Variants in MROH1 observed in about 807,000 individuals in gnomAD.
MROH1 encodes the protein maestro heat-like repeat-containing protein family member 1.
In MROH1, 117 loss-of-function variants were observed where a neutral mutation model predicts 116.5. The ratio of observed to expected loss-of-function variants is 1.00; its 90% CI spans 0.86 to 1.17. The LOEUF is 1.17. MROH1 is among the 50% of genes most tolerant of loss of function. MROH1 has a pLI of 0.00. For synonymous variants in MROH1, 921 were observed against 583.9 expected (o/e 1.58, Z -8.32); for missense variants, 1,873 against 1,338.5 (o/e 1.40, Z -6.23).
intron 14 of MROH1, among the ~76,000 whole-genome samples, chr8:144,232,286 G>C (rs2132649830): frequency 6.6e-6 from 1 of 151,956 alleles, no homozygotes; most frequent in East Asian, 1.9e-4. Flanking sequence ...CCTGTAATAG[G>C]TTTTCATTGA....
In MROH1 at chr8:144,182,099, G is replaced by C. The variant is rs1825857765; in HGVS notation, c.562+1576G>C. 6.6e-6 allele frequency among the ~76,000 whole-genome samples: 1 copy of C among 152,228 alleles called. No homozygotes were observed. Among genetic ancestry groups the C allele is most frequent in the African/African-American group, 2.4e-5 (1 of 41,448 alleles). On this transcript the variant is annotated intron_variant, in intron 7 of 43. Transcript: ENST00000326134. The surrounding 1 kb of genome is among the most constrained non-coding windows in gnomAD (Gnocchi z 4.1). ...TTCCCTGTTTGCATCTGGAGGGGTTGGTGGTCCTGCTGGCTGGAGCAGCCT... is the reference window on the plus strand; with the variant it reads ...TTCCCTGTTTGCATCTGGAGGGGTTCGTGGTCCTGCTGGCTGGAGCAGCCT...
At position 144,220,667 on chromosome 8, in the gene MROH1, C is replaced by T. The variant is rs370578898; in HGVS notation, c.1209C>T (p.Asn403=). 2.5e-4 allele frequency: 396 copies of T among 1,572,420 alleles called. No individual in the cohort carries two copies. Among genetic ancestry groups the T allele is most frequent in the Non-Finnish European group, 3.1e-4 (363 of 1,159,158 alleles). The change falls in exon 13 of 44, where the codon AAC becomes AAT. Residue 403 remains asparagine (N), a synonymous_variant. Transcript: ENST00000326134. ...TGAGGCTTCCTCTCCTGGACACCAA[C>T]AGCAAGGTAAACCACATGGGCCAGC... ...SSMRLPLLDT[N]SKVKRAVVQV... is the part of the protein sequence containing the mutation.
At chr8:144,219,685 A>G (rs977141426) in intron 12 of MROH1, among the ~76,000 whole-genome samples, 1 of 152,182 alleles carries the variant, frequency 6.6e-6, no homozygotes, top group African/African-American at 2.4e-5. Flanking sequence ...CCCTCAGAGA[A>G]GGAACCAATT....
At chr8:144,228,184 G>A (rs1402038834) in intron 14 of MROH1, among the ~76,000 whole-genome samples, 35 of 152,062 alleles carry the variant, frequency 2.3e-4, no homozygotes, top group Admixed American at 2.2e-3. Context: ...GCAGTGAGCT[G>A]TGATCACACT....
intron 1 of MROH1, among the ~76,000 whole-genome samples, chr8:144,157,824 G>C (rs7821909): frequency 0.99 from 148,815 of 150,966 alleles, 73,386 homozygotes; most frequent in East Asian, 1. Context: ...ACTACAGGTG[G>C]GTGCCACCAT....
In MROH1 at chr8:144,247,355, T is replaced by C. The variant is rs1028839282; in HGVS notation, c.2926T>C (p.Cys976Arg). 3.4e-5 allele frequency: 26 copies of C among 772,094 alleles called. No individual in the cohort carries two copies. The highest frequency in any genetic ancestry group is 5.8e-5 in the Non-Finnish European group (24 of 414,774). The allele number at this position is 772,094 out of a possible 1,614,324, so 47.8% of individuals were successfully genotyped here. ...TCTCATCGGCCTCTTCTCCCCACGG[T>C]GTGCGGACCTGTGGCCTGCCACCCG... Reference protein sequence around the residue: ...GLLIGLFSPRCADLWPATRQE... With the variant: ...GLLIGLFSPRRADLWPATRQE... The change falls in exon 30 of 44, where the codon TGT (cysteine) becomes CGT (arginine). Residue 976 changes from cysteine to arginine, a missense_variant. Cys to Arg is a radical substitution (Grantham distance 180). Transcript: ENST00000326134.
Position 144,260,075 on chromosome 8 carries a change from C to A in MROH1, c.4191+18C>A. On this transcript the variant is annotated intron_variant, in intron 38 of 43. Coordinates refer to ENST00000326134, the MANE Select transcript of MROH1 (RefSeq NM_032450.3). The stretch of plus-strand genomic sequence containing the variant: ...CTGACAAGGTGGGGTGGCCACCAGC[C>A]CCTCTGGGTCCCAGGCAGCATGGGT... 1.4e-6 allele frequency: 1 copy of A among 730,506 alleles called. No individual in the cohort carries two copies. Among genetic ancestry groups the A allele is most frequent in the Non-Finnish European group, 2.5e-6 (1 of 401,494 alleles). The allele number at this position is 730,506 out of a possible 1,614,324, so 45.3% of individuals were successfully genotyped here. A position where few individuals can be genotyped will look rare whatever the true frequency, so the allele number is the denominator to read the frequency against.
chr8:144,220,747 T>C, intron 13 of MROH1, 74 bp downstream of exon 13: 1 of 1,365,040 alleles, frequency 7.3e-7, no homozygotes. Context: ...GGCTGTGCTG[T>C]GAGATCACCC....
At chr8:144,187,217 T>C (rs1485718965) in intron 7 of MROH1, among the ~76,000 whole-genome samples, 1 of 151,930 alleles carries the variant, frequency 6.6e-6, no homozygotes, top group Non-Finnish European at 1.5e-5. Context: ...TTGACACCAA[T>C]CTGGGCATCA....
In MROH1 at chr8:144,258,747, T is replaced by C. The variant is rs973085380; in HGVS notation, c.3792-30T>C. ...GGAAGGGAGGTAGGCGTGTGTGCCC[T>C]ACCAGCTGAGCACCCTGGCAATCCT... On this transcript the variant is annotated intron_variant, in intron 35 of 43. Transcript: ENST00000326134. 3.0e-5 allele frequency: 23 copies of C among 754,452 alleles called. No individual in the cohort carries two copies. In the South Asian group the frequency reaches 3.2e-4, roughly 11 times the overall value. 46.7% of individuals were successfully genotyped at this position (754,452 alleles called of 1,614,324 possible).
chr8:144,252,829 G>GC (rs1217222570), intron 33 of MROH1, among the ~76,000 whole-genome samples: 1 of 151,166 alleles, frequency 6.6e-6, no homozygotes, highest in Admixed American at 6.6e-5. Context: ...GGTGGTGCCT[G>GC]CCTGTAATCA....
intron 34 of MROH1, 62 bp downstream of exon 34, chr8:144,255,040 G>C (rs899578463): frequency 1.4e-6 from 1 of 692,078 alleles, no homozygotes; most frequent in Non-Finnish European, 2.6e-6. Flanking sequence ...CTGGGTGCCC[G>C]GGGGCAGGCC....
chr8:144,236,337 T>C (rs1840030706), intron 14 of MROH1, among the ~76,000 whole-genome samples: 1 of 152,136 alleles, frequency 6.6e-6, no homozygotes, highest in Admixed American at 6.5e-5. Flanking sequence ...TGATCACTTG[T>C]CTATGCTCGG....
intron 11 of MROH1, 41 bp from the exon 12 acceptor site, chr8:144,200,387 C>G (rs749619673): frequency 1.4e-6 from 2 of 1,466,056 alleles, no homozygotes; most frequent in Non-Finnish European, 1.8e-6. Flanking sequence ...TAGGGATGAA[C>G]AAGATGACAT....
Position 144,199,141 on chromosome 8 carries a change from C to A in MROH1, c.968C>A (p.Ser323Tyr), listed in dbSNP as rs544085037. The A allele has an allele frequency of 1.2e-6, 2 of 1,613,778 alleles. No individual in the cohort carries two copies. Among genetic ancestry groups the A allele is most frequent in the South Asian group, 1.1e-5 (1 of 91,004 alleles). Residue 323 changes from serine (S) to tyrosine (Y), a missense_variant, in exon 11 of 44, where the codon TCC (serine) becomes TAC (tyrosine). Transcript: ENST00000326134. ...LHSQICVPVE[S>Y]SSPLVMSNQK... ...GAGCAGATCTGTGTGCCTGTGGAGT[C>A]CTCAAGCCCCCTGGTGATGAGTAAC...
chr8:144,172,989 C>T (rs947393231), intron 4 of MROH1, among the ~76,000 whole-genome samples: 1 of 151,842 alleles, frequency 6.6e-6, no homozygotes, highest in Non-Finnish European at 1.5e-5. Flanking sequence ...TTTTTGTCAA[C>T]AGTATTTTTA....
chr8:144,188,224 G>T (rs1038519043), intron 7 of MROH1, among the ~76,000 whole-genome samples: 1 of 152,222 alleles, frequency 6.6e-6, no homozygotes, highest in African/African-American at 2.4e-5. Flanking sequence ...CAGAACTGCA[G>T]ATGAACATCA....
In MROH1 at chr8:144,223,260, A is replaced by G. The variant is rs73368454; in HGVS notation, c.1338+30A>G. On this transcript the variant is annotated intron_variant, in intron 14 of 43. Transcript: ENST00000326134. ...GGGGCTGCCACCTTGCCTGCCTCCT[A>G]GGCCCACGCTGCCCCTGGCCTGTGT... 21,016 of 1,571,386 alleles carry G rather than the reference A, an allele frequency of 0.013. 2,518 individuals carry two copies. The African/African-American group carries it at 0.25, about 19-fold the overall frequency.
intron 35 of MROH1, among the ~76,000 whole-genome samples, chr8:144,258,446 G>C (rs1488667343): frequency 1.3e-5 from 2 of 152,206 alleles, no homozygotes; most frequent in Non-Finnish European, 2.9e-5. Context: ...CTGTGGTGTG[G>C]GTGCCCAGCA....
Sources: gnomAD v4.1 joint callset for allele counts (sites outside exome capture counted in the v4.1 genomes callset) on GRCh38, gnomAD v4.1.1 for gene constraint, Gnocchi (gnomAD v3.1) non-coding constraint, MANE v1.5 for transcripts, NCBI Gene and HGNC (gene_info 2026-07-23, HGNC 2026-07-21) for gene names.